The following SETD3 variants were observed in gnomAD, a reference collection of about 807,000 sequenced individuals.
SETD3 encodes SET domain containing 3, actin N3(tau)-histidine methyltransferase.
SETD3 carries 19 observed loss-of-function variants against 63.0 expected under a neutral mutation model. That is an observed-to-expected ratio of 0.30 (90% CI 0.21 to 0.44). The LOEUF is 0.44. Ranked by LOEUF, SETD3 falls within the 20% of genes least tolerant of loss-of-function variation. The pLI is 1.00. For missense variants in SETD3, 587 were observed against 728.5 expected (o/e 0.81, Z 2.24); for synonymous variants, 286 against 264.1 (o/e 1.08, Z -0.80).
At chr14:99,408,511 G>T (rs2139629463) in intron 8 of SETD3, among the ~76,000 whole-genome samples, 1 of 152,072 alleles carries the variant, frequency 6.6e-6, no homozygotes, top group African/African-American at 2.4e-5. Context: ...AGGTACACAG[G>T]GACCTGCCAG....
chr14:99,423,924 C>G (rs915476135), intron 6 of SETD3, among the ~76,000 whole-genome samples: 4 of 151,488 alleles, frequency 2.6e-5, no homozygotes, highest in African/African-American at 9.7e-5. Flanking sequence ...ATTAAATGCT[C>G]TACTGATCAA....
intron 6 of SETD3, among the ~76,000 whole-genome samples, chr14:99,415,106 G>T (rs2139648534): frequency 6.6e-6 from 1 of 152,348 alleles, no homozygotes; most frequent in East Asian, 1.9e-4. Context: ...TTAAGTGTTA[G>T]TTTTGCTAAA....
At chr14:99,424,383 A>T (rs533889535) in intron 6 of SETD3, among the ~76,000 whole-genome samples, 1 of 152,294 alleles carries the variant, frequency 6.6e-6, no homozygotes, top group African/African-American at 2.4e-5. Flanking sequence ...CTGGGCAGGG[A>T]AAGAAGCCAG....
chr14:99,428,635 TC>T (rs1344188720), intron 6 of SETD3, among the ~76,000 whole-genome samples: 1 of 151,798 alleles, frequency 6.6e-6, no homozygotes, highest in African/African-American at 2.4e-5. Flanking sequence ...ACAGAGTAAG[TC>T]CCCGTCTCAA....
chr14:99,414,115 CAACTT>C (rs1225001345), intron 6 of SETD3, among the ~76,000 whole-genome samples, 181 bp from the exon 7 acceptor site: 29 of 152,382 alleles, frequency 1.9e-4, no homozygotes, highest in African/African-American at 6.5e-4. Context: ...ACATCACTGT[CAACTT>C]AATTTGTTGT....
chr14:99,456,385 G>A (rs1198839810), intron 6 of SETD3, among the ~76,000 whole-genome samples: 4 of 152,072 alleles, frequency 2.6e-5, no homozygotes, highest in Admixed American at 2.0e-4. Flanking sequence ...TTTGATCGTC[G>A]TTGACTAAAT....
In SETD3 at chr14:99,480,820, C is replaced by CGGCGGT. The variant is rs1310896993; in HGVS notation, c.-102_-101insACCGCC. Reference sequence around the variant, plus strand: ...AACCCCCAGGCGGTGGCGGCGGTGGCGGCGGCGGCGGCCGGACGGGAGGGG... The same window carrying CGGCGGT: ...AACCCCCAGGCGGTGGCGGCGGTGGCGGCGGTGGCGGCGGCGGCCGGACGGGAGGGG... On this transcript the variant is annotated 5_prime_UTR_variant, in exon 1 of 13. Transcript: ENST00000331768. 6.2e-6 allele frequency: 1 copy of CGGCGGT among 161,458 alleles called. No individual in the cohort carries two copies. The highest frequency in any genetic ancestry group is 2.4e-5 in the African/African-American group (1 of 41,416). The allele number at this position is 161,458 out of a possible 1,614,324, so 10.0% of individuals were successfully genotyped here. A position where few individuals can be genotyped will look rare whatever the true frequency, so the allele number is the denominator to read the frequency against.
upstream of SETD3, among the ~76,000 whole-genome samples, chr14:99,482,527 A>G (rs1896370696): frequency 6.6e-6 from 1 of 152,242 alleles, no homozygotes; most frequent in Non-Finnish European, 1.5e-5. Flanking sequence ...AATCTTGACT[A>G]TGAATATAAT....
intron 10 of SETD3, 105 bp from the exon 11 acceptor site, chr14:99,404,415 G>T: frequency 9.9e-7 from 1 of 1,006,404 alleles, no homozygotes; most frequent in Non-Finnish European, 1.5e-6. Flanking sequence ...CTCAAGGAGA[G>T]CTGAGCTGGA....
chr14:99,461,928 G>A (rs1372089374), intron 3 of SETD3, among the ~76,000 whole-genome samples: 3 of 152,088 alleles, frequency 2.0e-5, no homozygotes, highest in East Asian at 1.9e-4. Context: ...AAAAAATCAC[G>A]TAATATGACA....
At chr14:99,406,447 T>C (rs1009768369) in intron 9 of SETD3, 69 bp downstream of exon 9, 1 of 1,392,420 alleles carries the variant, frequency 7.2e-7, no homozygotes, top group East Asian at 2.3e-5. Context: ...CTTTTTAAGA[T>C]TACCAACACG....
intron 6 of SETD3, among the ~76,000 whole-genome samples, chr14:99,422,371 T>C (rs1438578054): frequency 1.3e-5 from 2 of 152,200 alleles, no homozygotes; most frequent in African/African-American, 4.8e-5. Flanking sequence ...AACCACTATA[T>C]CAAGTTATTA....
intron 6 of SETD3, among the ~76,000 whole-genome samples, chr14:99,445,193 C>T (rs867411576): frequency 3.9e-5 from 6 of 152,204 alleles, no homozygotes; most frequent in African/African-American, 9.6e-5. Flanking sequence ...ATCAGGAAGA[C>T]GACCTGAACT....
At chr14:99,456,725 AAC>A (rs774218103) in intron 6 of SETD3, among the ~76,000 whole-genome samples, 38 of 152,232 alleles carry the variant, frequency 2.5e-4, no homozygotes, top group Non-Finnish European at 4.9e-4. Flanking sequence ...CATCTATATG[AAC>A]AGAGTATTTT....
intron 6 of SETD3, 148 bp from the exon 7 acceptor site, chr14:99,414,082 T>C (rs1056244454): frequency 2.9e-6 from 2 of 690,014 alleles, no homozygotes; most frequent in African/African-American, 3.6e-5. Context: ...TACAGAGGGA[T>C]CATCGCGCTG....
chr14:99,423,955 CT>C (rs1892737495), intron 6 of SETD3, among the ~76,000 whole-genome samples: 2 of 151,358 alleles, frequency 1.3e-5, no homozygotes, highest in South Asian at 2.1e-4. Flanking sequence ...ATGGATTTCA[CT>C]CTCTTTTTTT....
At chr14:99,435,741 CA>C (rs1893443230) in intron 6 of SETD3, among the ~76,000 whole-genome samples, 20 of 120,512 alleles carry the variant, frequency 1.7e-4, no homozygotes, top group African/African-American at 3.7e-4. Flanking sequence ...CCCACCCCCC[CA>C]CCTTTTTTTT....
intron 1 of SETD3, among the ~76,000 whole-genome samples, chr14:99,477,115 T>C (rs1595287390): frequency 6.6e-6 from 1 of 152,336 alleles, no homozygotes; most frequent in East Asian, 1.9e-4. Context: ...CAAAGATAGA[T>C]GTGTCTTTCA....
intron 6 of SETD3, among the ~76,000 whole-genome samples, chr14:99,448,090 G>A (rs1040134535): frequency 6.6e-6 from 1 of 152,196 alleles, no homozygotes; most frequent in African/African-American, 2.4e-5. Flanking sequence ...ACAGTGGTTT[G>A]GTGAGCCCCT....
Sources: allele counts gnomAD v4.1 joint callset (sites outside exome capture counted in the v4.1 genomes callset), GRCh38; gene constraint gnomAD v4.1.1; transcripts MANE v1.5; gene names NCBI Gene and HGNC (gene_info 2026-07-23, HGNC 2026-07-21).